DNAH8: variants seen among roughly 807,000 people sequenced by gnomAD.
The protein encoded by DNAH8 is axonemal beta dynein heavy chain 8.
Under a neutral mutation model 562.1 loss-of-function variants are expected in DNAH8, and 382 were observed. The observed-to-expected ratio is 0.68, with a 90% CI of 0.63 to 0.74. The LOEUF (loss-of-function observed/expected upper bound fraction) is 0.74, where lower values mean the gene tolerates loss of function less well. Among genes scored for constraint, DNAH8 ranks in the 30% least tolerant of loss-of-function variants. The pLI, the probability that DNAH8 is intolerant of heterozygous loss-of-function variation, is 0.00. For missense variants in DNAH8, 5,203 were observed against 5,620.4 expected (o/e 0.93, Z 2.37); for synonymous variants, 1,881 against 1,919.4 (o/e 0.98, Z 0.52).
intron 17 of DNAH8, 150 bp downstream of exon 17, chr6:38,783,289 A>G: frequency 1.7e-6 from 1 of 583,438 alleles, no homozygotes; most frequent in Non-Finnish European, 2.8e-6. Flanking sequence ...TTATTTGTTT[A>G]CAGTTGTTAA....
At chr6:38,948,894 G>C (rs1038431863) in intron 80 of DNAH8, among the ~76,000 whole-genome samples, 7 of 152,238 alleles carry the variant, frequency 4.6e-5, no homozygotes, top group Non-Finnish European at 1.0e-4. Flanking sequence ...GAAAATAAAA[G>C]TTTTGATTTT....
At chr6:38,932,216 A>ACACACACACACACACACACCCC (rs375631180) in intron 76 of DNAH8, among the ~76,000 whole-genome samples, 2 of 145,640 alleles carry the variant, frequency 1.4e-5, no homozygotes, top group African/African-American at 5.4e-5. Flanking sequence ...ACACACACAC[A>ACACACACACACACACACACCCC]CCCGTCTCTT....
chr6:38,813,143 T>C (rs150036247), intron 24 of DNAH8, among the ~76,000 whole-genome samples: 2 of 152,356 alleles, frequency 1.3e-5, no homozygotes, highest in East Asian at 1.9e-4. Flanking sequence ...ACTGCCTTTA[T>C]TATTCAACTG....
chr6:39,028,057 G>T (rs1385897446), intron 92 of DNAH8, among the ~76,000 whole-genome samples: 1 of 152,030 alleles, frequency 6.6e-6, no homozygotes, highest in African/African-American at 2.4e-5. Flanking sequence ...TCAGTTTCCA[G>T]TATTATCTTC....
At chr6:38,807,245 T>C (rs1418775470) in intron 23 of DNAH8, among the ~76,000 whole-genome samples, 1 of 152,214 alleles carries the variant, frequency 6.6e-6, no homozygotes, top group Non-Finnish European at 1.5e-5. Context: ...TATCTTCTTG[T>C]GCCCATGCCG....
intron 88 of DNAH8, among the ~76,000 whole-genome samples, chr6:39,000,428 T>C (rs1440622291): frequency 6.6e-6 from 1 of 152,168 alleles, no homozygotes; most frequent in Non-Finnish European, 1.5e-5. Flanking sequence ...CTGTTAAAAC[T>C]GGGCCACACA....
At chr6:38,905,990 C>A (rs952343768) in intron 62 of DNAH8, among the ~76,000 whole-genome samples, 4 of 152,066 alleles carry the variant, frequency 2.6e-5, no homozygotes, top group Admixed American at 2.6e-4. Context: ...ACTGCAACCT[C>A]TGCCTCCCGG....
At chr6:39,024,846 A>G (rs1477327947) in intron 91 of DNAH8, among the ~76,000 whole-genome samples, 3 of 152,174 alleles carry the variant, frequency 2.0e-5, no homozygotes, top group Non-Finnish European at 4.4e-5. Flanking sequence ...CGGTTTCATG[A>G]AACTATAGCT....
At chr6:38,730,659 G>A (rs535214869) in intron 4 of DNAH8, among the ~76,000 whole-genome samples, 1 of 152,244 alleles carries the variant, frequency 6.6e-6, no homozygotes, top group South Asian at 2.1e-4. Context: ...TTCGTACTGT[G>A]TATTCCTGCC....
intron 72 of DNAH8, 143 bp downstream of exon 72, chr6:38,923,328 A>G: frequency 3.1e-6 from 3 of 961,612 alleles, no homozygotes; most frequent in Non-Finnish European, 3.0e-6. Flanking sequence ...GTGAAATACT[A>G]TAGAGGGTGA....
chr6:38,822,804 A>G (rs45578845), intron 26 of DNAH8, 34 bp from the exon 27 acceptor site: 27,928 of 1,402,794 alleles, frequency 0.02, 342 homozygotes, highest in Middle Eastern at 0.053. Context: ...TTGAATATAG[A>G]AGTTATTTAT....
chr6:38,754,390 CAT>C (rs1456522902), intron 9 of DNAH8, among the ~76,000 whole-genome samples: 2 of 151,986 alleles, frequency 1.3e-5, no homozygotes, highest in African/African-American at 2.4e-5. Flanking sequence ...CTACAGATAC[CAT>C]ATATAATATG....
chr6:39,000,330 G>C (rs1301567514), intron 88 of DNAH8, among the ~76,000 whole-genome samples: 1 of 152,178 alleles, frequency 6.6e-6, no homozygotes, highest in Non-Finnish European at 1.5e-5. Flanking sequence ...AGGGATCAAA[G>C]AAAGCTAGTG....
chr6:38,826,779 G>A (rs190290372), intron 29 of DNAH8, among the ~76,000 whole-genome samples: 8 of 152,246 alleles, frequency 5.3e-5, no homozygotes, highest in Admixed American at 3.3e-4. Flanking sequence ...ACTCATGAAC[G>A]GTGGTGTACC....
chr6:38,782,940 C>A, intron 16 of DNAH8, 64 bp from the exon 17 acceptor site: 1 of 1,424,582 alleles, frequency 7.0e-7, no homozygotes, highest in South Asian at 1.2e-5. Context: ...TAAGTACTTT[C>A]ATTATTTGGA....
chr6:38,860,693 T>C (rs764375795), intron 43 of DNAH8, 64 bp downstream of exon 43: 6 of 1,188,432 alleles, frequency 5.0e-6, no homozygotes, highest in Admixed American at 3.1e-5. Context: ...TTATTTATAG[T>C]TGAATTTGAA....
intron 22 of DNAH8, 89 bp from the exon 23 acceptor site, chr6:38,805,392 A>G: frequency 1.3e-6 from 1 of 777,518 alleles, no homozygotes; most frequent in Non-Finnish European, 2.2e-6. Context: ...CTTTTTAAAA[A>G]GGAACTTCCT....
intron 8 of DNAH8, among the ~76,000 whole-genome samples, chr6:38,746,999 A>G (rs1428931092): frequency 1.3e-5 from 2 of 152,138 alleles, no homozygotes; most frequent in Non-Finnish European, 2.9e-5. Context: ...CTTTTCTTCT[A>G]TTTCTAGGGT....
At chr6:38,725,969 G>C (rs1042629285) in intron 3 of DNAH8, among the ~76,000 whole-genome samples, 5 of 152,144 alleles carry the variant, frequency 3.3e-5, no homozygotes, top group African/African-American at 1.2e-4. Context: ...GGTGACTTTG[G>C]CTACATGTCT....
Sources: allele counts gnomAD v4.1 joint callset (sites outside exome capture counted in the v4.1 genomes callset), GRCh38; gene constraint gnomAD v4.1.1; transcripts MANE v1.5; gene names NCBI Gene and HGNC (gene_info 2026-07-23, HGNC 2026-07-21).